Variants in BRIP1 observed in about 807,000 individuals in gnomAD.
BRIP1 encodes the protein Fanconi anemia group J protein.
In BRIP1, 88 loss-of-function variants were observed where a neutral mutation model predicts 119.7. That is an observed-to-expected ratio of 0.74 (90% CI 0.62 to 0.88). The LOEUF (loss-of-function observed/expected upper bound fraction) is 0.88, where lower values mean the gene tolerates loss of function less well. Among genes scored for constraint, BRIP1 ranks in the 40% least tolerant of loss-of-function variants. The probability of loss-of-function intolerance (pLI) is 0.00; values close to 1 mark genes in which losing one functional copy is unlikely to be tolerated. For synonymous variants in BRIP1, 443 were observed against 496.5 expected (o/e 0.89, Z 1.43); for missense variants, 1,259 against 1,455.4 (o/e 0.87, Z 2.20).
rs1046721028 is a variant in BRIP1, at chr17:61,781,117, T to C, written c.1629-112A>G. ...AAACTCATTTGAAAGAGCTGGTACC[T>C]TCCCATTCAAAAATAACATTCTCCT... On this transcript the variant is annotated intron_variant, in intron 11 of 19. Coordinates refer to ENST00000259008, the MANE Select transcript of BRIP1 (RefSeq NM_032043.3). 1.7e-5 allele frequency: 16 copies of C among 933,940 alleles called. No homozygotes were observed. In the Admixed American group the frequency reaches 1.9e-4, roughly 11 times the overall value. 57.9% of individuals were successfully genotyped at this position (933,940 alleles called of 1,614,324 possible).
rs1345176572 is a variant in BRIP1 at position 61,809,073 on chromosome 17, A to G, written c.628-316T>C. ...CTTTCATAAATTATAAAAATGATAAAACAAAGTAGGAACAATTTTAATTTT... is the reference window on the plus strand; with the variant it reads ...CTTTCATAAATTATAAAAATGATAAGACAAAGTAGGAACAATTTTAATTTT... On this transcript the variant is annotated intron_variant, in intron 6 of 19. Coordinates refer to ENST00000259008, the MANE Select transcript of BRIP1 (RefSeq NM_032043.3). This position sits in a 1 kb window ranked among gnomAD's most constrained non-coding sequence, Gnocchi z 5.2. Among the ~76,000 whole-genome samples the G allele has an allele frequency of 6.6e-6, 1 of 152,202 alleles. No homozygotes were observed. Among genetic ancestry groups the G allele is most frequent in the East Asian group, 1.9e-4 (1 of 5,198 alleles).
rs533096581 is a variant in BRIP1, at chr17:61,747,848, A to G, written c.2098-3257T>C. ...ACTCCTGGGCTCAAGCAATCTTCCT[A>G]CTTCAGCCTCCCAAGTAGCTAGGAC... On this transcript the variant is annotated intron_variant, in intron 14 of 19. Transcript: ENST00000259008. 2.0e-5 allele frequency among the ~76,000 whole-genome samples: 3 copies of G among 151,424 alleles called. No individual in the cohort carries two copies. The East Asian group carries it at 5.8e-4, about 29-fold the overall frequency.
chr17:61,694,518 T>A (rs1348574500), intron 17 of BRIP1, among the ~76,000 whole-genome samples: 1 of 152,100 alleles, frequency 6.6e-6, no homozygotes, highest in Non-Finnish European at 1.5e-5. Context: ...ACATGTTTTT[T>A]ATTCTCTTGG....
rs1242485766 is a variant in BRIP1 at position 61,751,411 on chromosome 17, A to G, written c.2098-6820T>C. Among the ~76,000 whole-genome samples, 1 of 152,198 alleles carries G rather than the reference A, an allele frequency of 6.6e-6. No homozygotes were observed. The highest frequency in any genetic ancestry group is 1.5e-5 in the Non-Finnish European group (1 of 68,030). On this transcript the variant is annotated intron_variant, in intron 14 of 19. Coordinates refer to ENST00000259008, the MANE Select transcript of BRIP1 (RefSeq NM_032043.3). This position sits in a 1 kb window ranked among gnomAD's most constrained non-coding sequence, Gnocchi z 6.7. ...AAAGTTTTGGAAAGGGATACTGGTGATGGTTGTACAACATCATGAATGTAC... is the reference window on the plus strand; with the variant it reads ...AAAGTTTTGGAAAGGGATACTGGTGGTGGTTGTACAACATCATGAATGTAC...
In BRIP1 at chr17:61,744,933, T is replaced by C. The variant is rs2077040598; in HGVS notation, c.2098-342A>G. 6.6e-6 allele frequency among the ~76,000 whole-genome samples: 1 copy of C among 151,806 alleles called. No homozygotes were observed. The highest frequency in any genetic ancestry group is 2.4e-5 in the African/African-American group (1 of 41,350). ...CTACCACCACCACCACTACTACTAC[T>C]ACTACTACTATCTTGGCAATTTCAA... On this transcript the variant is annotated intron_variant, in intron 14 of 19. Coordinates refer to ENST00000259008, the MANE Select transcript of BRIP1 (RefSeq NM_032043.3). The surrounding 1 kb of genome is among the most constrained non-coding windows in gnomAD (Gnocchi z 5.0).
intron 4 of BRIP1, among the ~76,000 whole-genome samples, chr17:61,854,380 G>A (rs1434489463): frequency 6.6e-6 from 1 of 151,958 alleles, no homozygotes; most frequent in Non-Finnish European, 1.5e-5. Context: ...AATATAAAAT[G>A]GTATGACCAC....
chr17:61,841,963 G>T lies in BRIP1; in HGVS notation c.627+5138C>A, dbSNP rs898607259. ...TCCAAAGTGTTGGGATTACTGGTGT[G>T]AGCCACCACACCCAGCCAACACCAT... On this transcript the variant is annotated intron_variant, in intron 6 of 19. Coordinates refer to ENST00000259008, the MANE Select transcript of BRIP1 (RefSeq NM_032043.3). This position sits in a 1 kb window ranked among gnomAD's most constrained non-coding sequence, Gnocchi z 4.1. Among the ~76,000 whole-genome samples the T allele has an allele frequency of 6.6e-6, 1 of 152,098 alleles. No individual in the cohort carries two copies. The highest frequency in any genetic ancestry group is 2.4e-5 in the African/African-American group (1 of 41,406).
chr17:61,684,236 T>A lies in BRIP1; in HGVS notation c.2906-96A>T, dbSNP rs2144096487. On this transcript the variant is annotated intron_variant, in intron 19 of 19. Transcript: ENST00000259008. The surrounding 1 kb of genome is among the most constrained non-coding windows in gnomAD (Gnocchi z 4.5). Reference sequence around the variant, plus strand: ...TATTTATTAGAAATACCTAAATAACTGTATAGGATACATAACTTAGAGCCC... The same window carrying A: ...TATTTATTAGAAATACCTAAATAACAGTATAGGATACATAACTTAGAGCCC... 7.3e-7 allele frequency: 1 copy of A among 1,367,498 alleles called. No homozygotes were observed. Among genetic ancestry groups the A allele is most frequent in the Non-Finnish European group, 1.0e-6 (1 of 999,210 alleles). The allele number at this position is 1,367,498 out of a possible 1,614,324, so 84.7% of individuals were successfully genotyped here.
Position 61,856,933 on chromosome 17 carries a change from A to G in BRIP1, c.379+125T>C. On this transcript the variant is annotated intron_variant, in intron 4 of 19. Coordinates refer to ENST00000259008, the MANE Select transcript of BRIP1 (RefSeq NM_032043.3). This position sits in a 1 kb window ranked among gnomAD's most constrained non-coding sequence, Gnocchi z 5.1. ...CTCTGTGCTATTTTAAAATCATTCC[A>G]GAGAAACTAGATAGAGATATATAAT... The G allele has an allele frequency of 1.0e-6, 1 of 960,190 alleles. No individual in the cohort carries two copies. The highest frequency in any genetic ancestry group is 1.4e-5 in the South Asian group (1 of 70,924). The allele number at this position is 960,190 out of a possible 1,614,324, so 59.5% of individuals were successfully genotyped here.
Position 61,744,468 on chromosome 17 carries a change from C to T in BRIP1, c.2221G>A (p.Val741Met), listed in dbSNP as rs1308293137. Residue 741 changes from valine to methionine, a missense_variant, in exon 15 of 20, where the codon GTG (valine) becomes ATG (methionine). By Grantham distance (21) the Val-to-Met change is conservative. Coordinates refer to ENST00000259008, the MANE Select transcript of BRIP1 (RefSeq NM_032043.3). The surrounding 1 kb of genome is among the most constrained non-coding windows in gnomAD (Gnocchi z 5.0). ...EKTNFDELLQ[V>M]YYDAIKYKGE... ...TTGTATTTGATTGCGTCATAGTACA[C>T]CTGCAGTAATTCATCAAAATTTGTT... is the stretch of plus-strand genomic sequence containing the variant. 1 of 1,613,918 alleles carries T rather than the reference C, an allele frequency of 6.2e-7. No homozygotes were observed. The highest frequency in any genetic ancestry group is 1.3e-5 in the African/African-American group (1 of 75,016).
rs1039343071 is a variant in BRIP1 at position 61,803,714 on chromosome 17, T to C, written c.919-2240A>G. ...AGTGTCTCATATACTATTAAAAATG[T>C]ACAAAATTAGAAAAGTATATATATT... is the stretch of plus-strand genomic sequence containing the variant. On this transcript the variant is annotated intron_variant, in intron 7 of 19. Transcript: ENST00000259008. The surrounding 1 kb of genome is among the most constrained non-coding windows in gnomAD (Gnocchi z 4.3). Among the ~76,000 whole-genome samples the C allele has an allele frequency of 1.3e-5, 2 of 152,152 alleles. No individual in the cohort carries two copies. The highest frequency in any genetic ancestry group is 6.5e-5 in the Admixed American group (1 of 15,274).
rs1223246075 is a variant in BRIP1 at position 61,757,644 on chromosome 17, C to T, written c.2098-13053G>A. Among the ~76,000 whole-genome samples the T allele has an allele frequency of 1.3e-5, 2 of 152,134 alleles. No individual in the cohort carries two copies. The highest frequency in any genetic ancestry group is 2.1e-4 in the South Asian group (1 of 4,818). On this transcript the variant is annotated intron_variant, in intron 14 of 19. Transcript: ENST00000259008. The surrounding 1 kb of genome is among the most constrained non-coding windows in gnomAD (Gnocchi z 4.3). ...CAATGCAAAAAACTTCAAAAAATGA[C>T]ATTTGTAAAACAACTAACATATTTA...
At position 61,713,572 on chromosome 17, in the gene BRIP1, A is replaced by C. The variant is rs1199664247; in HGVS notation, c.2492+2379T>G. On this transcript the variant is annotated intron_variant, in intron 17 of 19. Coordinates refer to ENST00000259008, the MANE Select transcript of BRIP1 (RefSeq NM_032043.3). The surrounding 1 kb of genome is among the most constrained non-coding windows in gnomAD (Gnocchi z 4.9). ...AGTCTCGCTCTGTCGCCCAGGCTGG[A>C]GTGCAGTGGGGTGATCTCGGCTCAC... Among the ~76,000 whole-genome samples, 1 of 147,156 alleles carries C rather than the reference A, an allele frequency of 6.8e-6. No homozygotes were observed. Among genetic ancestry groups the C allele is most frequent in the East Asian group, 2.0e-4 (1 of 5,004 alleles).
At chr17:61,839,354 A>G (rs1329129673) in intron 6 of BRIP1, among the ~76,000 whole-genome samples, 1 of 151,992 alleles carries the variant, frequency 6.6e-6, no homozygotes, top group Admixed American at 6.5e-5. Flanking sequence ...AGGAAGAAAA[A>G]AATAAAGTTG....
intron 6 of BRIP1, among the ~76,000 whole-genome samples, chr17:61,821,091 C>T (rs1484376961): frequency 6.6e-6 from 1 of 152,080 alleles, no homozygotes; most frequent in East Asian, 1.9e-4. Context: ...TTTTGTTGCA[C>T]ACTATGTAAA....
In BRIP1 at chr17:61,809,894, T is replaced by A. The variant is rs1259894757; in HGVS notation, c.628-1137A>T. Among the ~76,000 whole-genome samples the A allele has an allele frequency of 2.0e-5, 3 of 152,176 alleles. No individual in the cohort carries two copies. Among genetic ancestry groups the A allele is most frequent in the African/African-American group, 7.2e-5 (3 of 41,448 alleles). On this transcript the variant is annotated intron_variant, in intron 6 of 19. Coordinates refer to ENST00000259008, the MANE Select transcript of BRIP1 (RefSeq NM_032043.3). The surrounding 1 kb of genome is among the most constrained non-coding windows in gnomAD (Gnocchi z 5.2). ...TAAGTCATAGCATGTTACACCACAA[T>A]ACTGGGGATGAAGCTGTCTTTTAGC...
Position 61,746,865 on chromosome 17 carries a change from C to A in BRIP1, c.2098-2274G>T, listed in dbSNP as rs1435732866. On this transcript the variant is annotated intron_variant, in intron 14 of 19. Coordinates refer to ENST00000259008, the MANE Select transcript of BRIP1 (RefSeq NM_032043.3). This position sits in a 1 kb window ranked among gnomAD's most constrained non-coding sequence, Gnocchi z 4.9. ...CCTGACATATATAGAACATTTTACC[C>A]AACAGCAGCAAAATACATATTCTTC... 6.6e-6 allele frequency among the ~76,000 whole-genome samples: 1 copy of A among 152,028 alleles called. No individual in the cohort carries two copies. The highest frequency in any genetic ancestry group is 6.5e-5 in the Admixed American group (1 of 15,268).
rs1250239066 is a variant in BRIP1, at chr17:61,720,893, G to T, written c.2380-4830C>A. Among the ~76,000 whole-genome samples the T allele has an allele frequency of 1.3e-5, 2 of 152,098 alleles. No individual in the cohort carries two copies. The highest frequency in any genetic ancestry group is 2.9e-5 in the Non-Finnish European group (2 of 68,010). On this transcript the variant is annotated intron_variant, in intron 16 of 19. Coordinates refer to ENST00000259008, the MANE Select transcript of BRIP1 (RefSeq NM_032043.3). This position sits in a 1 kb window ranked among gnomAD's most constrained non-coding sequence, Gnocchi z 4.3. ...GAGTCTCGCTCCATTGCCCAGGCTG[G>T]AGTGCAGTGACATGATCTTGGCTCA... is the stretch of plus-strand genomic sequence containing the variant.
At chr17:61,801,595 C>T (rs931567491) in intron 7 of BRIP1, 121 bp from the exon 8 acceptor site, 20 of 917,438 alleles carry the variant, frequency 2.2e-5, no homozygotes, top group African/African-American at 6.6e-5. Flanking sequence ...TTACTGGCTA[C>T]GCCACCACAC....
Sources: gnomAD v4.1 joint callset for allele counts (sites outside exome capture counted in the v4.1 genomes callset) on GRCh38, gnomAD v4.1.1 for gene constraint, Gnocchi (gnomAD v3.1) non-coding constraint, MANE v1.5 for transcripts, NCBI Gene and HGNC (gene_info 2026-07-23, HGNC 2026-07-21) for gene names.